The following EPHA5 variants were observed in gnomAD, a reference collection of about 807,000 sequenced individuals.
EPHA5 encodes the protein ephrin type-A receptor 5.
EPHA5 carries 60 observed loss-of-function variants against 105.0 expected under a neutral mutation model. That is an observed-to-expected ratio of 0.57 (90% confidence interval 0.46 to 0.71). EPHA5 has a LOEUF of 0.71. Ranked by LOEUF, EPHA5 falls within the 30% of genes least tolerant of loss-of-function variation. The pLI is 0.00. For synonymous variants in EPHA5, 513 were observed against 449.1 expected, an observed-to-expected ratio of 1.14 and a Z score of -1.80; for missense variants, 1,218 against 1,274.7, an observed-to-expected ratio of 0.96 and a Z score of 0.68.
At chr4:65,562,173 C>T (rs1041919237) in intron 3 of EPHA5, among the ~76,000 whole-genome samples, 4 of 152,142 alleles carry the variant, frequency 2.6e-5, no homozygotes, top group African/African-American at 9.6e-5. Flanking sequence ...CAGACACAAT[C>T]GGGTGGCATT....
intron 10 of EPHA5, among the ~76,000 whole-genome samples, chr4:65,365,527 C>T (rs1370826693): frequency 3.3e-5 from 5 of 149,592 alleles, no homozygotes; most frequent in Non-Finnish European, 7.5e-5. Context: ...TCTTCTTTTT[C>T]TGTCTACCGT....
At chr4:65,341,478 C>T (rs571764254) in intron 14 of EPHA5, among the ~76,000 whole-genome samples, 6 of 151,772 alleles carry the variant, frequency 4.0e-5, no homozygotes, top group Admixed American at 2.6e-4. Flanking sequence ...CCCATAGAAT[C>T]ATATTTATTT....
At chr4:65,592,681 C>T (rs957486756) in intron 3 of EPHA5, among the ~76,000 whole-genome samples, 4 of 152,054 alleles carry the variant, frequency 2.6e-5, no homozygotes, top group African/African-American at 9.7e-5. Flanking sequence ...TCATATTAGC[C>T]ACCAAAAGCA....
Position 65,365,144 on chromosome 4 carries a change from A to C in EPHA5, c.2046T>G (p.Pro682=). 1 of 1,611,664 alleles carries C rather than the reference A, an allele frequency of 6.2e-7. No homozygotes were observed. The highest frequency in any genetic ancestry group is 8.5e-7 in the Non-Finnish European group (1 of 1,178,386). The change falls in exon 11 of 17, where the codon CCT becomes CCG. Residue 682 remains proline (P), a synonymous_variant. Transcript: ENST00000613740. ...RLKLPGKREL[P]VAIKTLKVGY... is the part of the protein sequence containing the mutation. Reference sequence around the variant, plus strand: ...CTACTTTAAGGGTTTTGATAGCCACAGGTAATTCTCTTTTTCCTGGTAGTT... The same window carrying C: ...CTACTTTAAGGGTTTTGATAGCCACCGGTAATTCTCTTTTTCCTGGTAGTT...
chr4:65,591,430 G>A (rs913957420), intron 3 of EPHA5, among the ~76,000 whole-genome samples: 9 of 151,750 alleles, frequency 5.9e-5, no homozygotes, highest in African/African-American at 2.2e-4. Flanking sequence ...TCATTTAGGA[G>A]TATTTATGCT....
At chr4:65,576,093 G>GAAAAGAAAAGAA (rs1740982547) in intron 3 of EPHA5, among the ~76,000 whole-genome samples, 1 of 76,932 alleles carries the variant, frequency 1.3e-5, no homozygotes, top group Non-Finnish European at 2.6e-5. Flanking sequence ...GAAAAGAAAA[G>GAAAAGAAAAGAA]AAAAGAAAAG....
At chr4:65,505,525 G>T (rs969510116) in intron 3 of EPHA5, among the ~76,000 whole-genome samples, 2 of 152,012 alleles carry the variant, frequency 1.3e-5, no homozygotes, top group East Asian at 1.9e-4. Context: ...AAGTGATAAA[G>T]CTTCTAGCAC....
At chr4:65,479,064 T>G (rs534330430) in intron 5 of EPHA5, among the ~76,000 whole-genome samples, 1 of 152,262 alleles carries the variant, frequency 6.6e-6, no homozygotes, top group African/African-American at 2.4e-5. Flanking sequence ...CTAAAACCTA[T>G]TTTTTCCATA....
At position 65,474,360 on chromosome 4, in the gene EPHA5, A is replaced by G. The variant is rs969991475; in HGVS notation, c.1402+16017T>C. ...GCTCTATAAATCATATACATTAAAT[A>G]GGCAGATACAACCAAAGCAAATAAA... On this transcript the variant is annotated intron_variant, in intron 5 of 16. Transcript: ENST00000613740. 3.7e-4 allele frequency among the ~76,000 whole-genome samples: 56 copies of G among 152,224 alleles called. 1 individual carries two copies. The highest frequency in any genetic ancestry group is 5.1e-4 in the Non-Finnish European group (35 of 68,026).
intron 3 of EPHA5, among the ~76,000 whole-genome samples, chr4:65,534,216 G>T (rs893641558): frequency 6.6e-6 from 1 of 151,862 alleles, no homozygotes; most frequent in Non-Finnish European, 1.5e-5. Flanking sequence ...GGGTAAAATT[G>T]AAAATTAAAT....
At chr4:65,538,304 G>T (rs1031522940) in intron 3 of EPHA5, among the ~76,000 whole-genome samples, 3 of 151,702 alleles carry the variant, frequency 2.0e-5, no homozygotes, top group Non-Finnish European at 4.4e-5. Context: ...AGCAAAAATA[G>T]TTCTGGGAGC....
intron 12 of EPHA5, among the ~76,000 whole-genome samples, chr4:65,352,786 C>CA (rs1179544190): frequency 9.8e-5 from 8 of 81,854 alleles, no homozygotes; most frequent in Admixed American, 7.3e-4. Context: ...TACTTCTCTG[C>CA]ATTTTTTTTT....
chr4:65,579,702 G>A (rs1018048602), intron 3 of EPHA5, among the ~76,000 whole-genome samples: 4 of 151,706 alleles, frequency 2.6e-5, no homozygotes, highest in Non-Finnish European at 4.4e-5. Flanking sequence ...GAATATTCTC[G>A]TGTTTTAGAA....
chr4:65,543,874 A>AT (rs1302504956), intron 3 of EPHA5, among the ~76,000 whole-genome samples: 1 of 152,070 alleles, frequency 6.6e-6, no homozygotes, highest in Non-Finnish European at 1.5e-5. Context: ...ACCAAAACAG[A>AT]TATATAGACT....
intron 3 of EPHA5, among the ~76,000 whole-genome samples, chr4:65,531,315 G>A (rs943091780): frequency 2.6e-5 from 4 of 152,096 alleles, no homozygotes; most frequent in Non-Finnish European, 4.4e-5. Context: ...GGGATTACAG[G>A]CGTGAGCCAC....
intron 2 of EPHA5, among the ~76,000 whole-genome samples, chr4:65,632,971 G>A (rs2149494094): frequency 6.6e-6 from 1 of 152,094 alleles, no homozygotes; most frequent in East Asian, 1.9e-4. Context: ...GAGTTAAGAT[G>A]AAAGAAATGA....
At chr4:65,609,980 A>G (rs1475935514) in intron 2 of EPHA5, among the ~76,000 whole-genome samples, 1 of 152,158 alleles carries the variant, frequency 6.6e-6, no homozygotes, top group Non-Finnish European at 1.5e-5. Flanking sequence ...AAATGATCAA[A>G]GATGTCATAA....
At chr4:65,539,359 T>C (rs1736601902) in intron 3 of EPHA5, among the ~76,000 whole-genome samples, 1 of 150,990 alleles carries the variant, frequency 6.6e-6, no homozygotes, top group South Asian at 2.1e-4. Context: ...GTTGTTTAAA[T>C]ACAATATTTA....
At chr4:65,600,822 T>C (rs1043367133) in intron 3 of EPHA5, among the ~76,000 whole-genome samples, 5 of 152,240 alleles carry the variant, frequency 3.3e-5, no homozygotes, top group Admixed American at 1.3e-4. Context: ...TGATATAAAA[T>C]ACTCCCCTGT....
Sources: gnomAD v4.1 joint callset for allele counts (sites outside exome capture counted in the v4.1 genomes callset) on GRCh38, gnomAD v4.1.1 for gene constraint, MANE v1.5 for transcripts, NCBI Gene and HGNC (gene_info 2026-07-23, HGNC 2026-07-21) for gene names.